Variants in DIS3L2 observed in about 807,000 individuals in gnomAD.
DIS3L2 encodes the protein DIS3 like 3'-5' exoribonuclease 2.
DIS3L2 carries 34 observed loss-of-function variants against 97.5 expected under a neutral mutation model. That is an observed-to-expected ratio of 0.35 (90% CI 0.27 to 0.46). The LOEUF (loss-of-function observed/expected upper bound fraction) is 0.46, where lower values mean the gene tolerates loss of function less well. Ranked by LOEUF, DIS3L2 falls within the 20% of genes least tolerant of loss-of-function variation. DIS3L2 has a pLI of 1.00. For missense variants in DIS3L2, 1,038 were observed against 1,146.0 expected (o/e 0.91, Z 1.36); for synonymous variants, 435 against 445.2 (o/e 0.98, Z 0.29).
chr2:232,194,143 A>T (rs191111020), intron 9 of DIS3L2, among the ~76,000 whole-genome samples: 2 of 152,094 alleles, frequency 1.3e-5, no homozygotes, highest in East Asian at 3.8e-4. Flanking sequence ...GATTCAATTT[A>T]GTAAATATTT....
chr2:232,115,648 G>A (rs1697684008), intron 6 of DIS3L2, among the ~76,000 whole-genome samples: 2 of 152,230 alleles, frequency 1.3e-5, no homozygotes, highest in South Asian at 4.1e-4. Flanking sequence ...CCCCCATTCT[G>A]TTCTTGTGAT....
At chr2:232,277,877 T>C (rs532882839) in intron 13 of DIS3L2, among the ~76,000 whole-genome samples, 20 of 152,308 alleles carry the variant, frequency 1.3e-4, no homozygotes, top group Non-Finnish European at 2.6e-4. Flanking sequence ...TGCTGAATAC[T>C]CCAGGCAGTT....
intron 14 of DIS3L2, among the ~76,000 whole-genome samples, chr2:232,302,694 G>C (rs1469861693): frequency 1.3e-5 from 2 of 151,758 alleles, no homozygotes; most frequent in African/African-American, 2.4e-5. Context: ...CCGAATAGCT[G>C]GGATTACAGG....
At chr2:232,188,399 A>G (rs1208585748) in intron 9 of DIS3L2, among the ~76,000 whole-genome samples, 1 of 152,220 alleles carries the variant, frequency 6.6e-6, no homozygotes, top group Non-Finnish European at 1.5e-5. Context: ...AACAGAACAG[A>G]ATAGAGAATC....
At chr2:232,078,609 A>T (rs1269978214) in intron 5 of DIS3L2, among the ~76,000 whole-genome samples, 2 of 152,232 alleles carry the variant, frequency 1.3e-5, no homozygotes, top group African/African-American at 4.8e-5. Flanking sequence ...TTGCATCTTG[A>T]TAATCTACTA....
intron 5 of DIS3L2, among the ~76,000 whole-genome samples, chr2:232,034,999 T>A (rs1286052088): frequency 1.3e-5 from 2 of 152,232 alleles, no homozygotes; most frequent in Admixed American, 6.5e-5. Context: ...GATCCAGAGC[T>A]GAGTTCAAGT....
intron 3 of DIS3L2, among the ~76,000 whole-genome samples, chr2:232,019,269 A>C (rs1414467252): frequency 1.3e-5 from 2 of 152,164 alleles, no homozygotes; most frequent in East Asian, 1.9e-4. Context: ...GAGTGAAATC[A>C]AGCAGGGTGT....
chr2:232,316,746 A>G (rs1695286769), intron 14 of DIS3L2, among the ~76,000 whole-genome samples: 1 of 152,264 alleles, frequency 6.6e-6, no homozygotes, highest in South Asian at 2.1e-4. Context: ...GTTTTAGGTA[A>G]GCAAGATATT....
intron 14 of DIS3L2, among the ~76,000 whole-genome samples, chr2:232,321,382 C>A (rs1490327232): frequency 6.6e-6 from 1 of 152,176 alleles, no homozygotes; most frequent in African/African-American, 2.4e-5. Flanking sequence ...CACAAAAACT[C>A]CCTCTTGGAA....
intron 13 of DIS3L2, among the ~76,000 whole-genome samples, chr2:232,267,008 T>G (rs940606457): frequency 6.6e-6 from 1 of 152,150 alleles, no homozygotes; most frequent in Non-Finnish European, 1.5e-5. Context: ...GTATGGTGAT[T>G]GTTTGTTGAG....
chr2:232,195,696 C>T (rs559328596), intron 9 of DIS3L2, among the ~76,000 whole-genome samples: 33 of 152,052 alleles, frequency 2.2e-4, no homozygotes, highest in Non-Finnish European at 4.6e-4. Context: ...AAGCTGTTCT[C>T]CTGCATCAGC....
intron 6 of DIS3L2, among the ~76,000 whole-genome samples, chr2:232,098,288 C>T (rs1265988821): frequency 6.6e-6 from 1 of 151,928 alleles, no homozygotes; most frequent in Non-Finnish European, 1.5e-5. Context: ...TACACTCCTA[C>T]TTGCAATGTA....
intron 10 of DIS3L2, among the ~76,000 whole-genome samples, chr2:232,212,215 G>A (rs1309561575): frequency 6.6e-6 from 1 of 152,196 alleles, no homozygotes; most frequent in East Asian, 1.9e-4. Flanking sequence ...TCGGCATATA[G>A]ACACCACTTC....
chr2:232,013,113 A>G (rs1057188256), intron 1 of DIS3L2, among the ~76,000 whole-genome samples: 6 of 152,128 alleles, frequency 3.9e-5, no homozygotes, highest in African/African-American at 1.4e-4. Context: ...AGATGGTGCC[A>G]CTTTGTCCTG....
chr2:232,283,453 T>TA (rs1339096359), intron 13 of DIS3L2, among the ~76,000 whole-genome samples: 1 of 152,174 alleles, frequency 6.6e-6, no homozygotes, highest in East Asian at 1.9e-4. Context: ...GATAAAGTCT[T>TA]ACCGTGTTGC....
intron 15 of DIS3L2, 117 bp downstream of exon 15, chr2:232,330,113 G>T: frequency 1.5e-6 from 2 of 1,294,122 alleles, no homozygotes; most frequent in Non-Finnish European, 2.1e-6. Flanking sequence ...CCTTCAGCCA[G>T]GTCTCTCCTG....
chr2:232,210,358 C>T lies in DIS3L2; in HGVS notation c.1157C>T (p.Thr386Ile), dbSNP rs1692152697. The change falls in exon 10 of 21, where the codon ACC (threonine) becomes ATC (isoleucine). Residue 386 changes from threonine (T) to isoleucine (I), a missense_variant. Thr to Ile is a moderately conservative substitution (Grantham distance 89, BLOSUM62 -1). Around this residue, in one of 3 missense-constraint regions of DIS3L2, gnomAD observed 813 missense variants for 880.1 expected, o/e 0.92. Coordinates refer to ENST00000325385, the MANE Select transcript of DIS3L2 (RefSeq NM_152383.5). ...TGTATCTTCACCATTGACCCATCAA[C>T]CGCCCGAGACCTCGATGATGCCCTC... ...KDCIFTIDPS[T>I]ARDLDDALSC... The T allele has an allele frequency of 6.2e-7, 1 of 1,613,594 alleles. No homozygotes were observed. Among genetic ancestry groups the T allele is most frequent in the African/African-American group, 1.3e-5 (1 of 74,938 alleles).
intron 9 of DIS3L2, among the ~76,000 whole-genome samples, chr2:232,167,817 A>G (rs760154281): frequency 4.8e-4 from 73 of 152,192 alleles, no homozygotes; most frequent in Non-Finnish European, 9.4e-4. Context: ...TGGGAGGCCA[A>G]GGTGGACAGA....
downstream of DIS3L2, among the ~76,000 whole-genome samples, chr2:232,338,635 C>T (rs1271989879): frequency 6.6e-6 from 1 of 152,154 alleles, no homozygotes; most frequent in Admixed American, 6.5e-5. Context: ...GCCGCCACAC[C>T]CTACCCAGAG....
Sources: gnomAD v4.1 joint callset for allele counts (sites outside exome capture counted in the v4.1 genomes callset) on GRCh38, gnomAD v4.1.1 for gene constraint, gnomAD v4.1.1 regional missense constraint, MANE v1.5 for transcripts, NCBI Gene and HGNC (gene_info 2026-07-23, HGNC 2026-07-21) for gene names.